The following ITPRID1 variants were observed in gnomAD, a reference collection of about 807,000 sequenced individuals.
ITPRID1 encodes the protein protein ITPRID1.
Under a neutral mutation model 95.4 loss-of-function variants are expected in ITPRID1, and 96 were observed. The observed-to-expected ratio is 1.01, with a 90% confidence interval of 0.85 to 1.19. The LOEUF is 1.19. ITPRID1 is among the 50% of genes most tolerant of loss of function. ITPRID1 has a pLI of 0.00. For missense variants in ITPRID1, 1,339 were observed against 1,252.9 expected (o/e 1.07, Z -1.04); for synonymous variants, 510 against 453.6 (o/e 1.12, Z -1.58).
At chr7:31,573,268 T>C (rs1279001017) in intron 7 of ITPRID1, among the ~76,000 whole-genome samples, 1 of 152,226 alleles carries the variant, frequency 6.6e-6, no homozygotes, top group Non-Finnish European at 1.5e-5. Flanking sequence ...GGTGTTTTAA[T>C]TGGCTCGATT....
intron 10 of ITPRID1, among the ~76,000 whole-genome samples, chr7:31,601,732 A>T (rs1786401315): frequency 6.6e-6 from 1 of 152,178 alleles, no homozygotes; most frequent in African/African-American, 2.4e-5. Context: ...GAGAAGAGGG[A>T]CGAGAGTGCC....
intron 13 of ITPRID1, 116 bp from the exon 14 acceptor site, chr7:31,651,823 G>C (rs1310637934): frequency 1.7e-6 from 1 of 604,968 alleles, no homozygotes; most frequent in Non-Finnish European, 2.9e-6. Context: ...CACAAATAAA[G>C]ATGACATTCT....
intron 10 of ITPRID1, among the ~76,000 whole-genome samples, chr7:31,609,001 C>T (rs1227208992): frequency 6.6e-6 from 1 of 151,628 alleles, no homozygotes; most frequent in Non-Finnish European, 1.5e-5. Flanking sequence ...ATTCAGTTCT[C>T]TTCCTAGTTT....
chr7:31,652,165 CTTCATT>C (rs1173410027), intron 14 of ITPRID1, 115 bp downstream of exon 14: 25 of 824,260 alleles, frequency 3.0e-5, no homozygotes, highest in Non-Finnish European at 4.3e-5. Context: ...ATGCCAACAC[CTTCATT>C]TTAAGTATAC....
intron 1 of ITPRID1, among the ~76,000 whole-genome samples, chr7:31,527,109 C>T (rs1169047560): frequency 1.3e-5 from 2 of 152,128 alleles, no homozygotes; most frequent in Non-Finnish European, 2.9e-5. Context: ...TGACCTCAGA[C>T]CTTTGCACCT....
In ITPRID1 at chr7:31,654,756, G is replaced by A. The variant is rs1417704177; in HGVS notation, c.*1927G>A. On this transcript the variant is annotated 3_prime_UTR_variant, in exon 15 of 15. Transcript: ENST00000615280. ...AAACTGCTTGGAAAAGTAATGCCAT[G>A]AGGGAAGTTTATAATTTGTATGAAA... Among the ~76,000 whole-genome samples the A allele has an allele frequency of 6.6e-6, 1 of 152,180 alleles. No homozygotes were observed. The highest frequency in any genetic ancestry group is 1.5e-5 in the Non-Finnish European group (1 of 68,030).
At chr7:31,586,065 C>G (rs1785590147) in intron 10 of ITPRID1, among the ~76,000 whole-genome samples, 2 of 145,068 alleles carry the variant, frequency 1.4e-5, no homozygotes. Context: ...GTTCAGTTCC[C>G]ACCTATGAGT....
Position 31,574,731 on chromosome 7 carries a change from C to T in ITPRID1, c.587C>T (p.Pro196Leu). Residue 196 changes from proline (P) to leucine (L), a missense_variant, in exon 8 of 15, where the codon CCC (proline) becomes CTC (leucine). Transcript: ENST00000615280. ...AQKQRMDIEN[P>L]NLYGRFRQLE... Reference sequence around the variant, plus strand: ...AAGCAGCGAATGGACATTGAGAACCCCAACTTGTACGGTAAGCGAGGTGCC... The same window carrying T: ...AAGCAGCGAATGGACATTGAGAACCTCAACTTGTACGGTAAGCGAGGTGCC... 6.2e-7 allele frequency: 1 copy of T among 1,613,690 alleles called. No homozygotes were observed. Among genetic ancestry groups the T allele is most frequent in the Non-Finnish European group, 8.5e-7 (1 of 1,179,748 alleles).
chr7:31,544,307 T>C (rs895786583), intron 1 of ITPRID1, among the ~76,000 whole-genome samples: 1 of 152,152 alleles, frequency 6.6e-6, no homozygotes, highest in Non-Finnish European at 1.5e-5. Flanking sequence ...GCAGGTGTGA[T>C]AGAGCCCAGC....
chr7:31,598,473 G>C (rs1486328009), intron 10 of ITPRID1, among the ~76,000 whole-genome samples: 1 of 138,098 alleles, frequency 7.2e-6, no homozygotes, highest in African/African-American at 2.8e-5. Context: ...GCGCTATCTC[G>C]GCTCACTGCA....
intron 10 of ITPRID1, among the ~76,000 whole-genome samples, chr7:31,627,802 T>G (rs927950033): frequency 3.3e-5 from 5 of 152,156 alleles, no homozygotes; most frequent in Non-Finnish European, 7.4e-5. Flanking sequence ...AAACAAAAAC[T>G]TCCTTTTTAT....
chr7:31,643,851 A>G lies in ITPRID1; in HGVS notation c.2481A>G (p.Ser827=), dbSNP rs1427694534. Residue 827 remains serine, a synonymous_variant, in exon 12 of 15, where the codon TCA becomes TCG. Transcript: ENST00000615280. ...GERQSPGPEP[S]VCRHCLCSLT... is the part of the protein sequence containing the mutation. ...GGCAAAGCCCTGGCCCTGAACCCTC[A>G]GTCTGTAGGCACTGCCTGTGTTCAC... is the stretch of plus-strand genomic sequence containing the variant. The G allele has an allele frequency of 6.2e-7, 1 of 1,613,934 alleles. No homozygotes were observed.
intron 10 of ITPRID1, among the ~76,000 whole-genome samples, chr7:31,599,216 GAAT>G (rs1334686582): frequency 6.6e-6 from 1 of 152,130 alleles, no homozygotes; most frequent in Admixed American, 6.5e-5. Context: ...CTCATAAATA[GAAT>G]AATATACAGC....
rs763512179 is a variant in ITPRID1, at chr7:31,652,056, G to T, written c.2823+6G>T. The T allele has an allele frequency of 3.8e-6, 6 of 1,573,668 alleles. No homozygotes were observed. Among genetic ancestry groups the T allele is most frequent in the Admixed American group, 3.6e-5 (2 of 55,658 alleles). On this transcript the variant is annotated splice_donor_region_variant and intron_variant, in intron 14 of 14. Coordinates refer to ENST00000615280, the MANE Select transcript of ITPRID1 (RefSeq NM_001257967.3). The stretch of plus-strand genomic sequence containing the variant: ...TCAGAGAAGGGATTTTACTGGTATG[G>T]GTGATGGGGTGTGGAGTTTGACTAT...
chr7:31,630,622 A>T (rs1008479403), intron 10 of ITPRID1, among the ~76,000 whole-genome samples: 5 of 152,204 alleles, frequency 3.3e-5, no homozygotes, highest in Non-Finnish European at 7.4e-5. Context: ...CGAGTATGTC[A>T]CATATTTACC....
At chr7:31,569,468 A>G (rs1200305772) in intron 5 of ITPRID1, among the ~76,000 whole-genome samples, 6 of 152,270 alleles carry the variant, frequency 3.9e-5, no homozygotes, top group Non-Finnish European at 5.9e-5. Flanking sequence ...AAATTCTCCC[A>G]TTCTTAAAAA....
chr7:31,517,632 C>T (rs1294864910), intron 1 of ITPRID1: 4 of 152,858 alleles, frequency 2.6e-5, no homozygotes, highest in African/African-American at 9.6e-5. Flanking sequence ...CCCACGCCCA[C>T]CCGGAACCGC....
At chr7:31,589,814 C>A (rs1260446253) in intron 10 of ITPRID1, among the ~76,000 whole-genome samples, 1 of 152,018 alleles carries the variant, frequency 6.6e-6, no homozygotes, top group East Asian at 1.9e-4. Context: ...TTCTTTAGAC[C>A]AAAGATGGGC....
chr7:31,581,052 C>T (rs1192729161), intron 9 of ITPRID1, among the ~76,000 whole-genome samples: 2 of 152,010 alleles, frequency 1.3e-5, no homozygotes, highest in African/African-American at 4.8e-5. Flanking sequence ...AAACAGAAGC[C>T]AATGCCAGAT....
Sources: gnomAD v4.1 joint callset for allele counts (sites outside exome capture counted in the v4.1 genomes callset) on GRCh38, gnomAD v4.1.1 for gene constraint, MANE v1.5 for transcripts, NCBI Gene and HGNC (gene_info 2026-07-23, HGNC 2026-07-21) for gene names.